Variants in PPFIA2 observed in about 807,000 individuals in gnomAD.
PPFIA2 encodes liprin-alpha-2.
In PPFIA2, 46 loss-of-function variants were observed where a neutral mutation model predicts 175.5. That is an observed-to-expected ratio of 0.26 (90% CI 0.21 to 0.34). The LOEUF (loss-of-function observed/expected upper bound fraction) is 0.34, where lower values mean the gene tolerates loss of function less well. Ranked by LOEUF, PPFIA2 falls within the 10% of genes least tolerant of loss-of-function variation. The pLI is 1.00. For synonymous variants in PPFIA2, 568 were observed against 511.4 expected (o/e 1.11, Z -1.49); for missense variants, 1,179 against 1,506.1 (o/e 0.78, Z 3.60).
At chr12:81,339,474 G>T in intron 20 of PPFIA2, 140 bp from the exon 21 acceptor site, 3 of 666,594 alleles carry the variant, frequency 4.5e-6, no homozygotes, top group Non-Finnish European at 6.4e-6. Context: ...TTCCTTTTAA[G>T]ATATTAAATG....
At chr12:81,474,226 G>A (rs982397187) in intron 4 of PPFIA2, among the ~76,000 whole-genome samples, 3 of 152,024 alleles carry the variant, frequency 2.0e-5, no homozygotes, top group Admixed American at 2.0e-4. Flanking sequence ...GTGCTCTCTC[G>A]GCTCACTGCA....
intron 4 of PPFIA2, among the ~76,000 whole-genome samples, chr12:81,495,520 T>C (rs1030889627): frequency 6.6e-6 from 1 of 152,124 alleles, no homozygotes; most frequent in Non-Finnish European, 1.5e-5. Flanking sequence ...TTAAAATGTG[T>C]AGGGCTAGGT....
At chr12:81,373,348 C>G (rs1263698533) in intron 11 of PPFIA2, among the ~76,000 whole-genome samples, 1 of 151,802 alleles carries the variant, frequency 6.6e-6, no homozygotes, top group East Asian at 1.9e-4. Context: ...TTATGCATAT[C>G]TTAGTCTAGG....
chr12:81,689,932 T>C (rs2075020491), intron 3 of PPFIA2, among the ~76,000 whole-genome samples: 2 of 152,062 alleles, frequency 1.3e-5, no homozygotes, highest in South Asian at 2.1e-4. Context: ...TTGAGAGCAA[T>C]CAAAACAGAC....
intron 21 of PPFIA2, among the ~76,000 whole-genome samples, chr12:81,335,462 G>A (rs1394263997): frequency 2.6e-5 from 4 of 152,038 alleles, no homozygotes; most frequent in African/African-American, 9.7e-5. Flanking sequence ...ACAATAAATG[G>A]CCAGGCACAG....
intron 4 of PPFIA2, among the ~76,000 whole-genome samples, chr12:81,518,491 C>T (rs566526513): frequency 1.3e-5 from 2 of 152,220 alleles, no homozygotes; most frequent in Middle Eastern, 6.8e-3. Context: ...ATGTTCTCAC[C>T]TCCCTAGCTA....
Position 81,263,334 on chromosome 12 carries a change from A to C in PPFIA2, c.3612T>G (p.Arg1204=). ...GSTWRRQFPP[R]EVHGISMMPG... Reference sequence around the variant, plus strand: ...GCATCATGCTGATTCCATGTACTTCACGAGGAGGAAACTGCCTTCTCCAGG... The same window carrying C: ...GCATCATGCTGATTCCATGTACTTCCCGAGGAGGAAACTGCCTTCTCCAGG... The change falls in exon 31 of 33, where the codon CGT becomes CGG. Residue 1204 remains arginine, a synonymous_variant. Coordinates refer to ENST00000549396, the MANE Select transcript of PPFIA2 (RefSeq NM_003625.5). 1 of 1,612,980 alleles carries C rather than the reference A, an allele frequency of 6.2e-7. No homozygotes were observed. Among genetic ancestry groups the C allele is most frequent in the Non-Finnish European group, 8.5e-7 (1 of 1,179,000 alleles).
At chr12:81,476,651 CA>C (rs1363180493) in intron 4 of PPFIA2, among the ~76,000 whole-genome samples, 1 of 152,270 alleles carries the variant, frequency 6.6e-6, no homozygotes, top group East Asian at 1.9e-4. Flanking sequence ...GACAGTGTGG[CA>C]ATTCCTCAAA....
At chr12:81,654,850 T>G (rs972633493) in intron 4 of PPFIA2, among the ~76,000 whole-genome samples, 2 of 152,128 alleles carry the variant, frequency 1.3e-5, no homozygotes, top group African/African-American at 4.8e-5. Flanking sequence ...GGGAAGCGCT[T>G]CTTCTTTTTA....
intron 8 of PPFIA2, among the ~76,000 whole-genome samples, chr12:81,393,594 A>G (rs1385933473): frequency 6.6e-6 from 1 of 152,068 alleles, no homozygotes; most frequent in Non-Finnish European, 1.5e-5. Flanking sequence ...CAGGAAGGAG[A>G]GGAAAAAACA....
intron 3 of PPFIA2, among the ~76,000 whole-genome samples, chr12:81,748,648 T>C (rs1714161096): frequency 6.9e-6 from 1 of 144,688 alleles, no homozygotes; most frequent in South Asian, 2.3e-4. Context: ...GCCAGTGACA[T>C]AAAGTTAGTC....
intron 4 of PPFIA2, among the ~76,000 whole-genome samples, chr12:81,604,259 T>C (rs944138425): frequency 5.9e-5 from 9 of 151,644 alleles, no homozygotes; most frequent in Admixed American, 2.0e-4. Flanking sequence ...GGCATGGAAA[T>C]GGTTGGGAAA....
chr12:81,757,978 T>G (rs2153671411), intron 2 of PPFIA2, among the ~76,000 whole-genome samples: 1 of 152,314 alleles, frequency 6.6e-6, no homozygotes, highest in Non-Finnish European at 1.5e-5. Flanking sequence ...CTGATTACAT[T>G]ACATGAATAT....
chr12:81,460,366 C>T (rs202210728), intron 4 of PPFIA2, among the ~76,000 whole-genome samples: 4 of 152,056 alleles, frequency 2.6e-5, no homozygotes, highest in Middle Eastern at 3.2e-3. Flanking sequence ...TCCCCAGTAA[C>T]GTGGAGCTGT....
chr12:81,304,392 C>T (rs79077127), intron 22 of PPFIA2, among the ~76,000 whole-genome samples: 4 of 152,154 alleles, frequency 2.6e-5, no homozygotes, highest in Non-Finnish European at 4.4e-5. Context: ...ACCTCAAAGA[C>T]CATACATTCC....
intron 5 of PPFIA2, 22 bp from the exon 6 acceptor site, chr12:81,445,742 G>T (rs1258044724): frequency 1.9e-6 from 3 of 1,603,502 alleles, no homozygotes; most frequent in Non-Finnish European, 2.6e-6. Flanking sequence ...AACAGAAAAT[G>T]CAATTATCTT....
At chr12:81,287,847 G>A (rs1323956565) in intron 24 of PPFIA2, among the ~76,000 whole-genome samples, 1 of 151,740 alleles carries the variant, frequency 6.6e-6, no homozygotes, top group Non-Finnish European at 1.5e-5. Context: ...TGGGATTGAG[G>A]ATACAGTACA....
At chr12:81,590,305 C>T (rs928877567) in intron 4 of PPFIA2, among the ~76,000 whole-genome samples, 12 of 151,946 alleles carry the variant, frequency 7.9e-5, no homozygotes, top group Non-Finnish European at 1.8e-4. Context: ...TATGGTCCTC[C>T]AAATAATAGA....
chr12:81,679,244 T>C (rs572271829), intron 3 of PPFIA2, among the ~76,000 whole-genome samples: 1 of 151,998 alleles, frequency 6.6e-6, no homozygotes, highest in East Asian at 1.9e-4. Context: ...TTTCTGTTCA[T>C]GTAAAATGTT....
Sources: allele counts gnomAD v4.1 joint callset (sites outside exome capture counted in the v4.1 genomes callset), GRCh38; gene constraint gnomAD v4.1.1; transcripts MANE v1.5; gene names NCBI Gene and HGNC (gene_info 2026-07-23, HGNC 2026-07-21).